Variants in RNF128 observed in about 807,000 individuals in gnomAD.
RNF128 encodes ring finger protein 128.
Under a neutral mutation model 26.2 loss-of-function variants are expected in RNF128, and 13 were observed. The ratio of observed to expected loss-of-function variants is 0.50; its 90% CI spans 0.32 to 0.79. RNF128 has a LOEUF of 0.79. Ranked by LOEUF, RNF128 falls within the 30% of genes least tolerant of loss-of-function variation. The pLI, the probability that RNF128 is intolerant of heterozygous loss-of-function variation, is 0.03. For synonymous variants in RNF128, 149 were observed against 142.5 expected (o/e 1.05, Z -0.32); for missense variants, 315 against 349.7 (o/e 0.90, Z 0.79).
chrX:106,710,850 A>T (rs1456172084), intron 1 of RNF128, among the ~76,000 whole-genome samples: 2 of 109,962 alleles, frequency 1.8e-5, no homozygotes, highest in Non-Finnish European at 3.8e-5. Context: ...TAGAAATAAT[A>T]GTCTCTCTAG....
chrX:106,709,782 G>A (rs1323783440), intron 1 of RNF128, among the ~76,000 whole-genome samples: 1 of 111,510 alleles, frequency 9.0e-6, no homozygotes, highest in Non-Finnish European at 1.9e-5. Flanking sequence ...TCGACCTCAG[G>A]TGATCCCACC....
chrX:106,779,348 CGTGTGTGTGTGT>C (rs372716238), intron 2 of RNF128, among the ~76,000 whole-genome samples: 81 of 90,111 alleles, frequency 9.0e-4, no homozygotes, highest in Non-Finnish European at 1.5e-3. Flanking sequence ...TACACAGTTA[CGTGTGTGTGTGT>C]GTGTGTGTGT....
intron 5 of RNF128, 90 bp from the exon 6 acceptor site, chrX:106,790,976 A>T: frequency 2.5e-6 from 2 of 801,959 alleles, no homozygotes; most frequent in Non-Finnish European, 3.6e-6. Context: ...TATTGCTCCA[A>T]TGAGTCACCT....
Position 106,726,734 on chromosome X carries a change from T to C in RNF128, c.-180T>C. 14 of 1,045,296 alleles carry C rather than the reference T, an allele frequency of 1.3e-5. No homozygotes were observed. The highest frequency in any genetic ancestry group is 1.7e-5 in the Non-Finnish European group (14 of 821,424). 86.1% of individuals were successfully genotyped at this position (1,045,296 alleles called of 1,213,427 possible). On this transcript the variant is annotated 5_prime_UTR_variant, in exon 1 of 7. Coordinates refer to ENST00000255499, the MANE Select transcript of RNF128 (RefSeq NM_194463.2). ...GGAGAAGACTGGAGCTCCGAGGAGCTGCATCTGCGGCAACCTGTGTGCTGA... is the reference window on the plus strand; with the variant it reads ...GGAGAAGACTGGAGCTCCGAGGAGCCGCATCTGCGGCAACCTGTGTGCTGA...
In RNF128 at chrX:106,768,250, C is replaced by T. The variant is rs1187471918; in HGVS notation, c.485-4663C>T. 2.7e-5 allele frequency among the ~76,000 whole-genome samples: 3 copies of T among 111,832 alleles called. No individual in the cohort carries two copies. The East Asian group carries it at 8.4e-4, about 31-fold the overall frequency. ...CTCATAAAATGAGTTAGGAAGGATT[C>T]CCTCTTTTTCTATTGATTGGAATAG... On this transcript the variant is annotated intron_variant, in intron 1 of 6. Transcript: ENST00000255499.
intron 1 of RNF128, among the ~76,000 whole-genome samples, chrX:106,767,119 C>A (rs1167165368): frequency 9.0e-6 from 1 of 111,566 alleles, no homozygotes; most frequent in Non-Finnish European, 1.9e-5. Context: ...GTTACTGTAG[C>A]CTTGTAGTAT....
chrX:106,777,675 C>T (rs1291541620), intron 2 of RNF128, among the ~76,000 whole-genome samples: 1 of 111,868 alleles, frequency 8.9e-6, no homozygotes, highest in Non-Finnish European at 1.9e-5. Flanking sequence ...AATCCACGGC[C>T]TCTTAATTAA....
rs376412008 is a variant in RNF128, at chrX:106,711,056, A to T, written c.406+16648A>T. Among the ~76,000 whole-genome samples the T allele has an allele frequency of 2.7e-5, 3 of 111,783 alleles. No individual in the cohort carries two copies. The East Asian group carries it at 8.4e-4, about 31-fold the overall frequency. ...ACACAGGATGTTGAAAAATATTTTG[A>T]TCCACAGCAAATATAAAAATAATTT... On this transcript the variant is annotated intron_variant, in intron 1 of 6. Coordinates refer to the RNF128 transcript ENST00000324342.
intron 3 of RNF128, among the ~76,000 whole-genome samples, chrX:106,785,894 A>G (rs967536125): frequency 8.9e-6 from 1 of 112,159 alleles, no homozygotes; most frequent in African/African-American, 3.2e-5. Context: ...ATGAAACTGT[A>G]AAACACTAAT....
chrX:106,694,018 A>G (rs764287121), exon 1 of RNF128: 2 of 1,198,881 alleles, frequency 1.7e-6, no homozygotes, highest in South Asian at 3.7e-5. Context: ...CCAGGAGAAT[A>G]GGTCCAGTTT....
chrX:106,717,566 C>G (rs1032321793), intron 1 of RNF128, among the ~76,000 whole-genome samples: 1 of 111,925 alleles, frequency 8.9e-6, no homozygotes, highest in African/African-American at 3.2e-5. Context: ...TCTTCCCCAG[C>G]AAATTTGTAG....
chrX:106,694,673 G>A (rs1353370801), intron 1 of RNF128, among the ~76,000 whole-genome samples: 2 of 111,058 alleles, frequency 1.8e-5, no homozygotes, highest in Non-Finnish European at 3.8e-5. Flanking sequence ...GCATTATATC[G>A]TGAGTTGCTT....
intron 1 of RNF128, among the ~76,000 whole-genome samples, chrX:106,716,641 C>A (rs1384846024): frequency 9.0e-6 from 1 of 110,837 alleles, no homozygotes; most frequent in African/African-American, 3.3e-5. Context: ...AGCTAGGCAG[C>A]AAACTAGATA....
chrX:106,762,258 C>T (rs933363532), intron 1 of RNF128, among the ~76,000 whole-genome samples: 12 of 110,632 alleles, frequency 1.1e-4, no homozygotes, highest in Non-Finnish European at 1.9e-5. Flanking sequence ...TCTCTCCATC[C>T]TTCCCTACCC....
rs371636020 is a variant in RNF128, at chrX:106,711,190, C to T, written c.406+16782C>T. On this transcript the variant is annotated intron_variant, in intron 1 of 6. Coordinates refer to the RNF128 transcript ENST00000324342. ...CCAGCCTCTCTCCCCACCTACTCAC[C>T]GCCTAGCCCCATGGGAGTGGAGGGT... 2.7e-5 allele frequency among the ~76,000 whole-genome samples: 3 copies of T among 112,205 alleles called. No individual in the cohort carries two copies. The East Asian group carries it at 8.4e-4, about 31-fold the overall frequency.
chrX:106,772,739 G>A (rs527600760), intron 1 of RNF128, among the ~76,000 whole-genome samples, 174 bp from the exon 2 acceptor site: 8 of 111,079 alleles, frequency 7.2e-5, no homozygotes, highest in Middle Eastern at 4.6e-3. Flanking sequence ...AATCTCATGC[G>A]TGTTTATATA....
chrX:106,732,333 T>C (rs1426611085), intron 1 of RNF128, among the ~76,000 whole-genome samples: 1 of 112,211 alleles, frequency 8.9e-6, no homozygotes, highest in Non-Finnish European at 1.9e-5. Flanking sequence ...TGCTGGTAAT[T>C]ATTTGTTTAC....
chrX:106,778,877 A>T (rs1014106275), intron 2 of RNF128, among the ~76,000 whole-genome samples: 2 of 112,097 alleles, frequency 1.8e-5, no homozygotes, highest in African/African-American at 6.5e-5. Context: ...TGGTTACATT[A>T]AGTTTTTTTC....
intron 1 of RNF128, among the ~76,000 whole-genome samples, chrX:106,730,794 G>A (rs1022904568): frequency 7.2e-5 from 8 of 110,841 alleles, no homozygotes; most frequent in African/African-American, 2.6e-4. Flanking sequence ...GTCAGGAGAA[G>A]CATTATTCCT....
Sources: gnomAD v4.1 joint callset for allele counts (sites outside exome capture counted in the v4.1 genomes callset) on GRCh38, gnomAD v4.1.1 for gene constraint, MANE v1.5 for transcripts, NCBI Gene and HGNC (gene_info 2026-07-23, HGNC 2026-07-21) for gene names.